IPO11: variants seen among roughly 807,000 people sequenced by gnomAD.
IPO11 encodes importin 11, also known as importin-11.
A neutral mutation model predicts 143.2 loss-of-function variants in IPO11; 66 were observed. That is an observed-to-expected ratio of 0.46 (90% CI 0.38 to 0.57). The LOEUF is 0.57. IPO11 is among the 20% of genes least tolerant of loss of function. The pLI is 0.00. For synonymous variants in IPO11, 385 were observed against 377.8 expected, an observed-to-expected ratio of 1.02 and a Z score of -0.22; for missense variants, 1,026 against 1,141.0, an observed-to-expected ratio of 0.90 and a Z score of 1.45.
At chr5:62,564,127 A>T (rs1269077646) in intron 27 of IPO11, among the ~76,000 whole-genome samples, 23 of 152,176 alleles carry the variant, frequency 1.5e-4, no homozygotes, top group Admixed American at 1.5e-3. Context: ...ACTTCATAAT[A>T]TCCTTAATAG....
At chr5:62,556,063 C>G (rs1743566195) in intron 26 of IPO11, among the ~76,000 whole-genome samples, 1 of 152,150 alleles carries the variant, frequency 6.6e-6, no homozygotes, top group South Asian at 2.1e-4. Context: ...GATATTAAAT[C>G]AGTTAAATGT....
intron 27 of IPO11, among the ~76,000 whole-genome samples, chr5:62,586,766 AAAATATATATATATAT>A (rs1178502956): frequency 2.8e-4 from 21 of 76,198 alleles, no homozygotes; most frequent in Non-Finnish European, 4.7e-4. Flanking sequence ...AAAAAAAAAA[AAAATATATATATATAT>A]ATATATATAT....
At chr5:62,450,354 A>T (rs1744866870) in intron 4 of IPO11, among the ~76,000 whole-genome samples, 1 of 152,182 alleles carries the variant, frequency 6.6e-6, no homozygotes, top group African/African-American at 2.4e-5. Flanking sequence ...TAGGGTTATA[A>T]TGGAACTGAA....
intron 27 of IPO11, among the ~76,000 whole-genome samples, chr5:62,565,359 G>A (rs1418917681): frequency 1.3e-5 from 2 of 152,128 alleles, no homozygotes; most frequent in Non-Finnish European, 2.9e-5. Flanking sequence ...GGTGGCACAT[G>A]TTTGTAATTC....
At position 62,627,228 on chromosome 5, in the gene IPO11, G is replaced by C; in HGVS notation, c.2838G>C (p.Glu946Asp). ...FIYEKLKAQQ[E>D]MLGEQGFQSL... is the part of the protein sequence containing the mutation. ...ACGAGAAGCTCAAGGCACAGCAGGAGATGCTAGGAGAACAAGGTTTCCAGT... is the reference window on the plus strand; with the variant it reads ...ACGAGAAGCTCAAGGCACAGCAGGACATGCTAGGAGAACAAGGTTTCCAGT... Residue 946 changes from glutamate to aspartate, a missense_variant, in exon 30 of 30, where the codon GAG (glutamate) becomes GAC (aspartate). By Grantham distance (45) the Glu-to-Asp change is conservative (BLOSUM62 2). This residue lies in a region of IPO11 where 351 missense variants were observed against 358.9 expected (regional missense o/e 0.98). Transcript: ENST00000325324. 6.2e-7 allele frequency: 1 copy of C among 1,614,170 alleles called. No individual in the cohort carries two copies. Among genetic ancestry groups the C allele is most frequent in the Non-Finnish European group, 8.5e-7 (1 of 1,180,018 alleles).
At chr5:62,451,172 C>G (rs1301312413) in intron 4 of IPO11, among the ~76,000 whole-genome samples, 2 of 152,062 alleles carry the variant, frequency 1.3e-5, no homozygotes, top group Non-Finnish European at 1.5e-5. Flanking sequence ...ACTTTTAGGT[C>G]AGGATTCCTA....
At chr5:62,594,031 T>C (rs781298714) in intron 28 of IPO11, among the ~76,000 whole-genome samples, 10 of 152,164 alleles carry the variant, frequency 6.6e-5, no homozygotes, top group Non-Finnish European at 1.0e-4. Flanking sequence ...ATTTAAACAG[T>C]TTATTCAAAA....
chr5:62,424,702 A>G (rs1446973724), intron 1 of IPO11, among the ~76,000 whole-genome samples: 6 of 151,178 alleles, frequency 4.0e-5, no homozygotes, highest in East Asian at 1.9e-4. Context: ...TCTGCCTCCC[A>G]AATTGGTGGG....
intron 27 of IPO11, chr5:62,579,028 A>T (rs975778722): frequency 8.4e-6 from 2 of 237,806 alleles, no homozygotes; most frequent in South Asian, 9.7e-5. Context: ...TCTGTAGTGA[A>T]TTTGTATTTT....
At chr5:62,571,155 T>C (rs1411917242) in intron 27 of IPO11, among the ~76,000 whole-genome samples, 1 of 152,250 alleles carries the variant, frequency 6.6e-6, no homozygotes, top group African/African-American at 2.4e-5. Context: ...ACATCTTTTT[T>C]GTTTATTTTA....
intron 6 of IPO11, among the ~76,000 whole-genome samples, chr5:62,469,748 G>A (rs2112197598): frequency 6.6e-6 from 1 of 152,220 alleles, no homozygotes; most frequent in Middle Eastern, 3.4e-3. Flanking sequence ...ATCTCTCTGT[G>A]TACACTAGTT....
chr5:62,520,621 G>A (rs937902653), intron 20 of IPO11, among the ~76,000 whole-genome samples: 8 of 152,196 alleles, frequency 5.3e-5, no homozygotes, highest in African/African-American at 1.4e-4. Flanking sequence ...AGAACGTGCT[G>A]TGTTTGGTTT....
chr5:62,432,791 C>A (rs958018091), intron 1 of IPO11, among the ~76,000 whole-genome samples: 9 of 152,066 alleles, frequency 5.9e-5, no homozygotes, highest in African/African-American at 2.2e-4. Context: ...TAATGTTGAC[C>A]GTTTTTGATG....
At chr5:62,614,876 G>A (rs1167319622) in intron 29 of IPO11, among the ~76,000 whole-genome samples, 1 of 152,164 alleles carries the variant, frequency 6.6e-6, no homozygotes, top group African/African-American at 2.4e-5. Flanking sequence ...TTATTGACTG[G>A]TGGAGGTGGC....
intron 29 of IPO11, among the ~76,000 whole-genome samples, chr5:62,607,739 C>G (rs1272594504): frequency 6.6e-6 from 1 of 151,438 alleles, no homozygotes; most frequent in African/African-American, 2.4e-5. Flanking sequence ...GTTGAGAGAC[C>G]TTTTTTCTTT....
chr5:62,482,252 A>AT (rs549880958), intron 9 of IPO11, among the ~76,000 whole-genome samples: 35 of 152,066 alleles, frequency 2.3e-4, no homozygotes, highest in African/African-American at 6.0e-4. Flanking sequence ...GGATTCATTG[A>AT]TTTTTTGAAG....
chr5:62,562,086 G>A (rs960810103), intron 27 of IPO11: 1 of 152,196 alleles, frequency 6.6e-6, no homozygotes, highest in Non-Finnish European at 1.5e-5. Flanking sequence ...ATTTCTTTTA[G>A]TGCATGGTCA....
intron 21 of IPO11, 38 bp from the exon 22 acceptor site, chr5:62,530,671 C>T: frequency 7.7e-7 from 1 of 1,294,538 alleles, no homozygotes; most frequent in South Asian, 1.2e-5. Flanking sequence ...CTTTAATGGG[C>T]ATGGAAAGTG....
chr5:62,538,579 T>G (rs1398495305), intron 24 of IPO11, among the ~76,000 whole-genome samples: 2 of 152,176 alleles, frequency 1.3e-5, no homozygotes, highest in African/African-American at 4.8e-5. Flanking sequence ...TTGCCTCCCT[T>G]TCACCTTCTG....
Sources: gnomAD v4.1 joint callset for allele counts (sites outside exome capture counted in the v4.1 genomes callset) on GRCh38, gnomAD v4.1.1 for gene constraint, gnomAD v4.1.1 regional missense constraint, MANE v1.5 for transcripts, NCBI Gene and HGNC (gene_info 2026-07-23, HGNC 2026-07-21) for gene names.